MAPKAP1: variants seen among roughly 807,000 people sequenced by gnomAD.
The protein encoded by MAPKAP1 is MAPK associated protein 1.
MAPKAP1 carries 20 observed loss-of-function variants against 65.7 expected under a neutral mutation model. That is an observed-to-expected ratio of 0.30 (90% CI 0.21 to 0.44). MAPKAP1 has a LOEUF of 0.44. Ranked by LOEUF, MAPKAP1 falls within the 20% of genes least tolerant of loss-of-function variation. The pLI is 1.00. For synonymous variants in MAPKAP1, 222 were observed against 244.3 expected, an observed-to-expected ratio of 0.91 and a Z score of 0.85; for missense variants, 423 against 648.0, an observed-to-expected ratio of 0.65 and a Z score of 3.77.
At chr9:125,490,512 C>T (rs1854666432) in intron 8 of MAPKAP1, among the ~76,000 whole-genome samples, 1 of 152,078 alleles carries the variant, frequency 6.6e-6, no homozygotes. Context: ...GCACTCCAGC[C>T]TGGGCAACAA....
intron 1 of MAPKAP1, among the ~76,000 whole-genome samples, chr9:125,703,001 A>C (rs1294253046): frequency 6.6e-6 from 1 of 152,238 alleles, no homozygotes; most frequent in African/African-American, 2.4e-5. Flanking sequence ...CTAGCCTGAT[A>C]GGACGATACC....
chr9:125,438,765 G>T lies in MAPKAP1; in HGVS notation c.*122C>A. On this transcript the variant is annotated 3_prime_UTR_variant, in exon 12 of 12. Coordinates refer to ENST00000265960, the MANE Select transcript of MAPKAP1 (RefSeq NM_001006617.3). ...CCTTCCCCGAGAGCCCACCTGCCCT[G>T]TGCCAGTGAGCCAGGGGCTGGCCTC... is the stretch of plus-strand genomic sequence containing the variant. 1 of 1,366,112 alleles carries T rather than the reference G, an allele frequency of 7.3e-7. No homozygotes were observed. Among genetic ancestry groups the T allele is most frequent in the Non-Finnish European group, 1.0e-6 (1 of 988,862 alleles). 84.6% of individuals were successfully genotyped at this position (1,366,112 alleles called of 1,614,324 possible).
At chr9:125,684,250 G>A (rs550501170) in intron 1 of MAPKAP1, among the ~76,000 whole-genome samples, 4 of 152,272 alleles carry the variant, frequency 2.6e-5, no homozygotes, top group East Asian at 1.9e-4. Context: ...AATGGAAGCC[G>A]GTTTTTCTTC....
chr9:125,475,741 C>G (rs538047190), intron 9 of MAPKAP1, among the ~76,000 whole-genome samples: 1 of 152,324 alleles, frequency 6.6e-6, no homozygotes, highest in East Asian at 1.9e-4. Flanking sequence ...TGCACTAGGA[C>G]AGCTAGATCA....
intron 1 of MAPKAP1, among the ~76,000 whole-genome samples, chr9:125,680,578 T>G (rs1441649368): frequency 6.6e-6 from 1 of 152,194 alleles, no homozygotes; most frequent in Non-Finnish European, 1.5e-5. Context: ...TGAGACCATA[T>G]ATCTGGAGAG....
intron 8 of MAPKAP1, among the ~76,000 whole-genome samples, chr9:125,491,821 T>A (rs1232369506): frequency 1.3e-5 from 2 of 151,774 alleles, no homozygotes; most frequent in African/African-American, 4.8e-5. Flanking sequence ...CATAAAACTG[T>A]CATTAACATT....
At chr9:125,448,609 C>A (rs188794536) in intron 10 of MAPKAP1, among the ~76,000 whole-genome samples, 3 of 152,182 alleles carry the variant, frequency 2.0e-5, no homozygotes, top group Non-Finnish European at 4.4e-5. Context: ...AGGCAAGTTA[C>A]CTTTGAAAAT....
chr9:125,607,725 G>A (rs1235404223), intron 4 of MAPKAP1, among the ~76,000 whole-genome samples: 3 of 152,038 alleles, frequency 2.0e-5, no homozygotes, highest in African/African-American at 2.4e-5. Context: ...GCACGATCTC[G>A]GCTCACTGCA....
chr9:125,446,245 T>C (rs1292248396), intron 10 of MAPKAP1, among the ~76,000 whole-genome samples: 1 of 152,198 alleles, frequency 6.6e-6, no homozygotes, highest in Non-Finnish European at 1.5e-5. Context: ...TATTTTATCC[T>C]GGAAACATCA....
chr9:125,457,598 TTAC>T (rs1418133107), intron 10 of MAPKAP1, among the ~76,000 whole-genome samples: 1 of 152,254 alleles, frequency 6.6e-6, no homozygotes, highest in Non-Finnish European at 1.5e-5. Flanking sequence ...GTGCTGTCCT[TTAC>T]AGAGTATTGG....
intron 7 of MAPKAP1, chr9:125,521,832 T>A (rs1829626680): frequency 1.3e-6 from 2 of 1,504,186 alleles, no homozygotes; most frequent in Non-Finnish European, 1.8e-6. Flanking sequence ...CTGAGCTACA[T>A]GAAAGTGGTG....
At chr9:125,705,502 T>A (rs1835730212) in intron 1 of MAPKAP1, among the ~76,000 whole-genome samples, 1 of 152,216 alleles carries the variant, frequency 6.6e-6, no homozygotes, top group South Asian at 2.1e-4. Context: ...AATGTACTTA[T>A]CACGGTGTTA....
At chr9:125,643,789 T>C (rs1411669246) in intron 4 of MAPKAP1, among the ~76,000 whole-genome samples, 2 of 152,184 alleles carry the variant, frequency 1.3e-5, no homozygotes, top group African/African-American at 4.8e-5. Context: ...TTTTGATATA[T>C]ATCACCAAAT....
chr9:125,616,025 A>T (rs183317002), intron 4 of MAPKAP1, among the ~76,000 whole-genome samples: 216 of 152,334 alleles, frequency 1.4e-3, no homozygotes, highest in Middle Eastern at 6.8e-3. Context: ...TGATATTAGC[A>T]CAGGAAAAAC....
chr9:125,528,472 T>C (rs7858975), intron 7 of MAPKAP1, among the ~76,000 whole-genome samples: 1,583 of 152,304 alleles, frequency 0.01, 35 homozygotes, highest in African/African-American at 0.035. Context: ...AATGAAGTTA[T>C]GCCTGAGCCT....
chr9:125,504,450 G>A (rs939424164), intron 8 of MAPKAP1, among the ~76,000 whole-genome samples: 4 of 151,990 alleles, frequency 2.6e-5, no homozygotes, highest in South Asian at 2.1e-4. Context: ...GTGCATGCTC[G>A]GCGGAAGAGG....
At chr9:125,583,356 A>G (rs1307534789) in intron 5 of MAPKAP1, among the ~76,000 whole-genome samples, 5 of 152,184 alleles carry the variant, frequency 3.3e-5, no homozygotes, top group Admixed American at 2.0e-4. Flanking sequence ...ATCTCCTTGT[A>G]AGCACCTGAT....
At chr9:125,500,640 A>T (rs918068401) in intron 8 of MAPKAP1, among the ~76,000 whole-genome samples, 1 of 152,204 alleles carries the variant, frequency 6.6e-6, no homozygotes, top group Admixed American at 6.5e-5. Flanking sequence ...TATGGAAGAA[A>T]CCAGGAACAA....
At chr9:125,673,757 C>T (rs923770260) in intron 1 of MAPKAP1, among the ~76,000 whole-genome samples, 2 of 151,454 alleles carry the variant, frequency 1.3e-5, no homozygotes, top group South Asian at 4.2e-4. Context: ...TCTATCTCTA[C>T]AAAAATATAT....
Sources: gnomAD v4.1 joint callset for allele counts (sites outside exome capture counted in the v4.1 genomes callset) on GRCh38, gnomAD v4.1.1 for gene constraint, MANE v1.5 for transcripts, NCBI Gene and HGNC (gene_info 2026-07-23, HGNC 2026-07-21) for gene names.